Variants in OSBP observed in about 807,000 individuals in gnomAD.
The protein encoded by OSBP is oxysterol binding protein.
OSBP carries 32 observed loss-of-function variants against 96.6 expected under a neutral mutation model. The observed-to-expected ratio is 0.33, with a 90% confidence interval of 0.25 to 0.45. The LOEUF is 0.45. OSBP is among the 20% of genes least tolerant of loss of function. The pLI is 1.00. For synonymous variants in OSBP, 369 were observed against 389.6 expected (o/e 0.95, Z 0.62); for missense variants, 653 against 1,029.7 (o/e 0.63, Z 5.01).
Position 59,585,405 on chromosome 11 carries a change from C to G in OSBP, c.1679-3851G>C, listed in dbSNP as rs574640260. On this transcript the variant is annotated intron_variant, in intron 9 of 13. Transcript: ENST00000263847. Reference sequence around the variant, plus strand: ...TGAGGAGACCTCGCCCGGCAACCACCCCGTCTGAGAAGTGAGGAGCCCCTC... The same window carrying G: ...TGAGGAGACCTCGCCCGGCAACCACGCCGTCTGAGAAGTGAGGAGCCCCTC... Among the ~76,000 whole-genome samples, 205 of 144,180 alleles carry G rather than the reference C, an allele frequency of 1.4e-3. 4 individuals are homozygous for G. Among genetic ancestry groups the G allele is most frequent in the African/African-American group, 5.0e-3 (191 of 38,166 alleles). 94.6% of individuals were successfully genotyped at this position (144,180 alleles called of 152,430 possible). A position where few individuals can be genotyped will look rare whatever the true frequency, so the allele number is the denominator to read the frequency against.
chr11:59,590,065 C>G (rs1212609040), intron 9 of OSBP, among the ~76,000 whole-genome samples: 1 of 152,086 alleles, frequency 6.6e-6, no homozygotes, highest in African/African-American at 2.4e-5. Flanking sequence ...TAGAAGCATT[C>G]TTCTTTCCAA....
rs931760393 is a variant in OSBP, at chr11:59,583,941, T to G, written c.1679-2387A>C. On this transcript the variant is annotated intron_variant, in intron 9 of 13. Transcript: ENST00000263847. ...GCATGAGCCACCACACCTGATGGTG[T>G]TTTTTTTTTTTTTTTTTTTTTTGAG... is the stretch of plus-strand genomic sequence containing the variant. 4.7e-4 allele frequency among the ~76,000 whole-genome samples: 48 copies of G among 103,082 alleles called. No individual in the cohort carries two copies. In the East Asian group the frequency reaches 9.7e-3, roughly 21 times the overall value. The allele number at this position is 103,082 out of a possible 152,430, so 67.6% of individuals were successfully genotyped here.
intron 2 of OSBP, among the ~76,000 whole-genome samples, chr11:59,609,186 T>C (rs1321625575): frequency 6.6e-6 from 1 of 152,210 alleles, no homozygotes; most frequent in African/African-American, 2.4e-5. Context: ...TCCACTATCA[T>C]CTGATAGGTG....
At chr11:59,591,590 T>C (rs1189576036) in intron 9 of OSBP, among the ~76,000 whole-genome samples, 1 of 151,942 alleles carries the variant, frequency 6.6e-6, no homozygotes, top group African/African-American at 2.4e-5. Context: ...TTTGTATCAT[T>C]ATTTTTTATT....
chr11:59,593,985 C>A, intron 8 of OSBP, 25 bp downstream of exon 8: 2 of 1,610,112 alleles, frequency 1.2e-6, no homozygotes, highest in South Asian at 2.2e-5. Flanking sequence ...AAAGGAAATG[C>A]GTTATGGTTC....
rs574879568 is a variant in OSBP at position 59,579,336 on chromosome 11, T to C, written c.1878+838A>G. ...TTTTCCCATTTACTTTCTTTCTTTC[T>C]TTTTTTTTTTTTTTGAGACGGCGTT... On this transcript the variant is annotated intron_variant, in intron 11 of 13. Transcript: ENST00000263847. 8.5e-5 allele frequency among the ~76,000 whole-genome samples: 12 copies of C among 141,822 alleles called. No individual in the cohort carries two copies. In the East Asian group the frequency reaches 2.2e-3, roughly 26 times the overall value. 93.0% of individuals were successfully genotyped at this position (141,822 alleles called of 152,430 possible).
At chr11:59,610,730 C>A in intron 1 of OSBP, 141 bp from the exon 2 acceptor site, 1 of 664,994 alleles carries the variant, frequency 1.5e-6, no homozygotes, top group Non-Finnish European at 2.7e-6. Flanking sequence ...TCAAACGGGT[C>A]CCTAAAATTC....
At chr11:59,590,377 C>T (rs1365733568) in intron 9 of OSBP, among the ~76,000 whole-genome samples, 1 of 152,144 alleles carries the variant, frequency 6.6e-6, no homozygotes, top group East Asian at 1.9e-4. Context: ...TACAGCCTAG[C>T]GATAATGACA....
chr11:59,591,451 T>A (rs1860578902), intron 9 of OSBP, among the ~76,000 whole-genome samples: 2 of 152,180 alleles, frequency 1.3e-5, no homozygotes, highest in African/African-American at 2.4e-5. Flanking sequence ...TATAAAATGG[T>A]GCAAAGTATC....
chr11:59,578,107 A>G (rs1860380598), intron 12 of OSBP, 42 bp downstream of exon 12: 4 of 1,586,248 alleles, frequency 2.5e-6, no homozygotes, highest in Non-Finnish European at 2.6e-6. Flanking sequence ...TCCACAGTCA[A>G]GGTCAAAGTG....
intron 9 of OSBP, among the ~76,000 whole-genome samples, chr11:59,592,206 T>C (rs929073206): frequency 6.6e-6 from 1 of 152,262 alleles, no homozygotes; most frequent in Non-Finnish European, 1.5e-5. Flanking sequence ...AGAAGCTTTT[T>C]AAAGGTCCTT....
intron 1 of OSBP, among the ~76,000 whole-genome samples, chr11:59,612,902 G>A (rs1422989867): frequency 6.6e-6 from 1 of 152,180 alleles, no homozygotes. Context: ...ACGTAAGGAA[G>A]CCCAGGATAG....
chr11:59,615,317 G>C lies in OSBP; in HGVS notation c.348C>G (p.Leu116=), dbSNP rs1187760145. The part of the protein sequence containing the change: ...QRRWFVLSNG[L]LSYYRSKAEM... ...GAAGCAGTTACCTGTAGTAGCTCAGGAGCCCGTTGCTCAGCACGAACCATC... is the reference window on the plus strand; with the variant it reads ...GAAGCAGTTACCTGTAGTAGCTCAGCAGCCCGTTGCTCAGCACGAACCATC... Residue 116 remains leucine (L), a synonymous_variant, in exon 1 of 14, where the codon CTC becomes CTG. Coordinates refer to ENST00000263847, the MANE Select transcript of OSBP (RefSeq NM_002556.3). The C allele has an allele frequency of 1.2e-6, 2 of 1,603,446 alleles. No homozygotes were observed. Among genetic ancestry groups the C allele is most frequent in the East Asian group, 4.5e-5 (2 of 44,274 alleles).
At chr11:59,577,956 G>T (rs1327552745) in intron 12 of OSBP, among the ~76,000 whole-genome samples, 193 bp downstream of exon 12, 2 of 152,200 alleles carry the variant, frequency 1.3e-5, no homozygotes, top group Non-Finnish European at 2.9e-5. Context: ...AGTTTGGTTT[G>T]AACTTCCTTG....
rs375768205 is a variant in OSBP at position 59,610,589 on chromosome 11, T to A, written c.363A>T (p.Arg121Ser). The change falls in exon 2 of 14, where the codon AGA becomes AGT. Residue 121 changes from arginine (R) to serine (S), a missense_variant and splice_region_variant. Transcript: ENST00000263847. Reference sequence around the variant, plus strand: ...AGGTATGTCTCATTTCTGCCTTTGATCTGTAATAACAAGACAAAGACAATT... The same window carrying A: ...AGGTATGTCTCATTTCTGCCTTTGAACTGTAATAACAAGACAAAGACAATT... ...VLSNGLLSYY[R>S]SKAEMRHTCR... 6.2e-7 allele frequency: 1 copy of A among 1,610,838 alleles called. No individual in the cohort carries two copies. Among genetic ancestry groups the A allele is most frequent in the Non-Finnish European group, 8.5e-7 (1 of 1,177,080 alleles).
At chr11:59,614,519 T>C (rs193125531) in intron 1 of OSBP, among the ~76,000 whole-genome samples, 1 of 152,286 alleles carries the variant, frequency 6.6e-6, no homozygotes, top group East Asian at 1.9e-4. Context: ...TATTAAACAG[T>C]CCAAAATAAA....
intron 9 of OSBP, among the ~76,000 whole-genome samples, chr11:59,586,441 T>A (rs1046877847): frequency 2.6e-5 from 4 of 152,220 alleles, no homozygotes; most frequent in African/African-American, 9.6e-5. Flanking sequence ...CCTATGTTCA[T>A]AGATTGGAAG....
intron 9 of OSBP, among the ~76,000 whole-genome samples, chr11:59,588,194 C>G (rs979824426): frequency 1.3e-5 from 2 of 152,104 alleles, no homozygotes; most frequent in Non-Finnish European, 1.5e-5. Context: ...AAAATAGAGA[C>G]AGAAAGTAGA....
chr11:59,613,190 T>C (rs1860873767), intron 1 of OSBP, among the ~76,000 whole-genome samples: 1 of 152,212 alleles, frequency 6.6e-6, no homozygotes, highest in Non-Finnish European at 1.5e-5. Context: ...CACAGATTGA[T>C]AACTCTGGAT....
Sources: allele counts gnomAD v4.1 joint callset (sites outside exome capture counted in the v4.1 genomes callset), GRCh38; gene constraint gnomAD v4.1.1; transcripts MANE v1.5; gene names NCBI Gene and HGNC (gene_info 2026-07-23, HGNC 2026-07-21).